The following WWTR1 variants were observed in gnomAD, a reference collection of about 807,000 sequenced individuals.
The protein encoded by WWTR1 is WW domain-containing transcription regulator protein 1.
In WWTR1, 13 loss-of-function variants were observed where a neutral mutation model predicts 40.1. That is an observed-to-expected ratio of 0.32 (90% confidence interval 0.21 to 0.52). The LOEUF is 0.52. Among genes scored for constraint, WWTR1 ranks in the 20% least tolerant of loss-of-function variants. The pLI is 0.97. For synonymous variants in WWTR1, 230 were observed against 210.1 expected (o/e 1.09, Z -0.82); for missense variants, 436 against 523.1 (o/e 0.83, Z 1.63).
chr3:149,524,327 G>GTTTTTT (rs3044124), intron 6 of WWTR1, among the ~76,000 whole-genome samples: 13 of 139,288 alleles, frequency 9.3e-5, no homozygotes, highest in Non-Finnish European at 1.1e-4. Flanking sequence ...CTCTTTTATG[G>GTTTTTT]TTTTTTTTTT....
chr3:149,645,119 G>A (rs1971540), intron 2 of WWTR1, among the ~76,000 whole-genome samples: 2,235 of 127,030 alleles, frequency 0.018, 39 homozygotes, highest in East Asian at 0.094. Context: ...TCGATCTGTC[G>A]CCCAGGCTGG....
chr3:149,593,238 A>AC (rs1331891345), intron 2 of WWTR1, among the ~76,000 whole-genome samples: 29 of 152,248 alleles, frequency 1.9e-4, no homozygotes, highest in Admixed American at 1.8e-3. Context: ...ATGAAAACCA[A>AC]CCTCAGATTC....
At chr3:149,580,287 G>A (rs1738081481) in intron 2 of WWTR1, among the ~76,000 whole-genome samples, 1 of 152,166 alleles carries the variant, frequency 6.6e-6, no homozygotes, top group Non-Finnish European at 1.5e-5. Context: ...ACCAACACCA[G>A]AGATGAGTCT....
intron 6 of WWTR1, among the ~76,000 whole-genome samples, chr3:149,524,732 T>A (rs1258382464): frequency 2.6e-5 from 4 of 152,208 alleles, no homozygotes; most frequent in Non-Finnish European, 5.9e-5. Context: ...GCTATGAGTT[T>A]GACTCTTGAT....
chr3:149,687,724 G>A (rs1714699458), intron 1 of WWTR1, among the ~76,000 whole-genome samples: 1 of 152,164 alleles, frequency 6.6e-6, no homozygotes, highest in East Asian at 1.9e-4. Flanking sequence ...AAAGGAGAGG[G>A]AAAAGTAAAA....
intron 5 of WWTR1, among the ~76,000 whole-genome samples, chr3:149,711,506 G>C (rs1027708105): frequency 2.6e-5 from 4 of 152,042 alleles, no homozygotes; most frequent in Non-Finnish European, 5.9e-5. Flanking sequence ...ATTTTATAAA[G>C]AACAATCTAG....
chr3:149,638,140 C>T (rs1711942834), intron 2 of WWTR1, among the ~76,000 whole-genome samples: 1 of 152,064 alleles, frequency 6.6e-6, no homozygotes, highest in South Asian at 2.1e-4. Flanking sequence ...GACTTGAACC[C>T]AGGAGGCAGA....
At chr3:149,638,087 A>G (rs954811024) in intron 2 of WWTR1, among the ~76,000 whole-genome samples, 5 of 152,112 alleles carry the variant, frequency 3.3e-5, no homozygotes, top group Non-Finnish European at 7.4e-5. Flanking sequence ...GTGGTGCTGT[A>G]TGCCTGTAAT....
At chr3:149,579,433 A>G (rs1738042258) in intron 2 of WWTR1, among the ~76,000 whole-genome samples, 1 of 152,186 alleles carries the variant, frequency 6.6e-6, no homozygotes, top group Non-Finnish European at 1.5e-5. Context: ...TCATCCCCTC[A>G]GTGAAATTCC....
chr3:149,539,962 G>GA (rs1278535189), intron 4 of WWTR1, among the ~76,000 whole-genome samples: 1 of 151,866 alleles, frequency 6.6e-6, no homozygotes, highest in African/African-American at 2.4e-5. Context: ...TCTGCATGGG[G>GA]AAAAAATCTG....
chr3:149,592,982 C>A (rs1319537156), intron 2 of WWTR1, among the ~76,000 whole-genome samples: 3 of 152,172 alleles, frequency 2.0e-5, no homozygotes, highest in Non-Finnish European at 4.4e-5. Flanking sequence ...ATGGTAGATT[C>A]CTATCCCTGC....
intron 2 of WWTR1, among the ~76,000 whole-genome samples, chr3:149,634,817 C>A (rs1711729254): frequency 6.6e-6 from 1 of 152,244 alleles, no homozygotes; most frequent in Admixed American, 6.5e-5. Flanking sequence ...CCAGCAACCA[C>A]TGAGCCTCTT....
intron 2 of WWTR1, among the ~76,000 whole-genome samples, chr3:149,629,038 A>G (rs1462488461): frequency 6.6e-6 from 1 of 152,116 alleles, no homozygotes; most frequent in Admixed American, 6.6e-5. Context: ...TCCCAAAGTG[A>G]TGGGATTACC....
At chr3:149,533,048 A>T (rs140304478) in intron 4 of WWTR1, among the ~76,000 whole-genome samples, 363 of 152,246 alleles carry the variant, frequency 2.4e-3, no homozygotes, top group African/African-American at 8.4e-3. Flanking sequence ...AGGAAAACAA[A>T]CGCTAAGCTG....
At chr3:149,689,580 G>C (rs563847928) in intron 1 of WWTR1, among the ~76,000 whole-genome samples, 74 of 152,020 alleles carry the variant, frequency 4.9e-4, no homozygotes, top group African/African-American at 1.7e-3. Context: ...ACAATGGCAT[G>C]ACATATTTAA....
At chr3:149,585,154 GTTT>G in intron 2 of WWTR1, among the ~76,000 whole-genome samples, 1 of 151,450 alleles carries the variant, frequency 6.6e-6, no homozygotes. Flanking sequence ...GTGTGTGTGT[GTTT>G]AAGATGGAGT....
At chr3:149,633,469 A>G (rs887168201) in intron 2 of WWTR1, among the ~76,000 whole-genome samples, 5 of 152,210 alleles carry the variant, frequency 3.3e-5, no homozygotes, top group African/African-American at 1.2e-4. Context: ...TAAGTTCTTC[A>G]TTTAAGGGTG....
At chr3:149,702,715 T>G (rs1396273115) in intron 1 of WWTR1, 1 of 152,056 alleles carries the variant, frequency 6.6e-6, no homozygotes, top group African/African-American at 2.4e-5. Context: ...TTTCCATCTA[T>G]GAAATAACAA....
At chr3:149,651,694 A>C (rs777451705) in intron 2 of WWTR1, among the ~76,000 whole-genome samples, 30 of 152,220 alleles carry the variant, frequency 2.0e-4, no homozygotes, top group Non-Finnish European at 1.0e-4. Context: ...CTTTGGGGCT[A>C]GATATCTCAT....
Sources: allele counts gnomAD v4.1 joint callset (sites outside exome capture counted in the v4.1 genomes callset), GRCh38; gene constraint gnomAD v4.1.1; transcripts MANE v1.5; gene names NCBI Gene and HGNC (gene_info 2026-07-23, HGNC 2026-07-21).